The following LHX6 variants were observed in gnomAD, a reference collection of about 807,000 sequenced individuals.
LHX6 encodes the protein LIM homeobox 6, also known as LIM/homeobox protein Lhx6.
LHX6 carries 15 observed loss-of-function variants against 47.1 expected under a neutral mutation model. The ratio of observed to expected loss-of-function variants is 0.32; its 90% CI spans 0.21 to 0.49. LHX6 has a LOEUF of 0.49. Ranked by LOEUF, LHX6 falls within the 20% of genes least tolerant of loss-of-function variation. The pLI is 0.99. For synonymous variants in LHX6, 242 were observed against 233.5 expected (o/e 1.04, Z -0.33); for missense variants, 404 against 539.6 (o/e 0.75, Z 2.49).
chr9:122,227,949 T>TCCTGGGGGGCCCCCCCCC, intron 1 of LHX6: 1 of 176,980 alleles, frequency 5.7e-6, no homozygotes, highest in Non-Finnish European at 1.2e-5. Context: ...TTTTTCTCTC[T>TCCTGGGGGGCCCCCCCCC]CCACCCGCCC....
rs925976884 is a variant in LHX6, at chr9:122,202,814, C to T, written c.*1946G>A. 1 of 152,450 alleles carries T rather than the reference C, an allele frequency of 6.6e-6. No homozygotes were observed. Among genetic ancestry groups the T allele is most frequent in the South Asian group, 2.1e-4 (1 of 4,826 alleles). 9.4% of individuals were successfully genotyped at this position (152,450 alleles called of 1,614,324 possible). ...ACAGGGTAGTGGAGACATGTTTGAA[C>T]TGTAACATGCTACGGCCACATAATC... On this transcript the variant is annotated 3_prime_UTR_variant, in exon 10 of 10. Transcript: ENST00000394319.
chr9:122,226,616 C>T lies in LHX6; in HGVS notation c.340-119G>A. On this transcript the variant is annotated intron_variant, in intron 3 of 9. Transcript: ENST00000394319. The surrounding 1 kb of genome is among the most constrained non-coding windows in gnomAD (Gnocchi z 6.5). ...GAAGCTCAGAAGGTGCATGCGATTC[C>T]CCTATTTTTCTCCCGTAATACTGAG... is the stretch of plus-strand genomic sequence containing the variant. 1 of 1,419,286 alleles carries T rather than the reference C, an allele frequency of 7.0e-7. No homozygotes were observed. 87.9% of individuals were successfully genotyped at this position (1,419,286 alleles called of 1,614,324 possible).
In LHX6 at chr9:122,226,509, GC is replaced by G. The variant is rs1831105305; in HGVS notation, c.340-13del. The G allele has an allele frequency of 3.1e-6, 5 of 1,611,608 alleles. No homozygotes were observed. The highest frequency in any genetic ancestry group is 4.2e-6 in the Non-Finnish European group (5 of 1,179,490). On this transcript the variant is annotated splice_polypyrimidine_tract_variant and intron_variant, in intron 3 of 9. Transcript: ENST00000394319. This position sits in a 1 kb window ranked among gnomAD's most constrained non-coding sequence, Gnocchi z 6.5. ...ATGAGGTTGTTGACCTGGGGACGGG[GC>G]GGGGACGGAGGTCGGCTCAGCGCGG...
chr9:122,204,434 C>A lies in LHX6; in HGVS notation c.*326G>T. 2.6e-6 allele frequency: 1 copy of A among 387,228 alleles called. No individual in the cohort carries two copies. 24.0% of individuals were successfully genotyped at this position (387,228 alleles called of 1,614,324 possible). A position where few individuals can be genotyped will look rare whatever the true frequency, so the allele number is the denominator to read the frequency against. On this transcript the variant is annotated 3_prime_UTR_variant, in exon 10 of 10. Transcript: ENST00000394319. ...AGAAGGCCGTTGGCATCGCACAATT[C>A]AATTCCGCCTTTTGTTATTGTAATC...
At chr9:122,219,320 C>A (rs2118880699) in intron 4 of LHX6, among the ~76,000 whole-genome samples, 1 of 152,318 alleles carries the variant, frequency 6.6e-6, no homozygotes, top group Admixed American at 6.5e-5. Flanking sequence ...AGAGCACCTT[C>A]GTTGAATCCA....
chr9:122,220,871 C>G (rs995370081), intron 4 of LHX6, among the ~76,000 whole-genome samples: 1 of 152,254 alleles, frequency 6.6e-6, no homozygotes, highest in African/African-American at 2.4e-5. Flanking sequence ...GTCAGACTCA[C>G]TTTCCCAGCC....
At chr9:122,222,967 A>G (rs1332323805) in intron 4 of LHX6, among the ~76,000 whole-genome samples, 1 of 152,140 alleles carries the variant, frequency 6.6e-6, no homozygotes. Flanking sequence ...AGAAGCCTAG[A>G]GAACCTCAGC....
At chr9:122,222,062 C>T (rs1370336975) in intron 4 of LHX6, among the ~76,000 whole-genome samples, 2 of 152,222 alleles carry the variant, frequency 1.3e-5, no homozygotes, top group Middle Eastern at 3.2e-3. Context: ...TAGCCCAATT[C>T]CTGGCTTAGA....
At position 122,204,310 on chromosome 9, in the gene LHX6, A is replaced by G. The variant is rs1680570698; in HGVS notation, c.*450T>C. ...AGAGTTTTCCAGACAAAAGCAACAG[A>G]GTGGATAACATTGGGGGTTGTCAGC... On this transcript the variant is annotated 3_prime_UTR_variant, in exon 10 of 10. Transcript: ENST00000394319. 5.3e-6 allele frequency: 1 copy of G among 189,972 alleles called. No individual in the cohort carries two copies. The highest frequency in any genetic ancestry group is 1.1e-5 in the Non-Finnish European group (1 of 93,014). 11.8% of individuals were successfully genotyped at this position (189,972 alleles called of 1,614,324 possible).
rs148542721 is a variant in LHX6, at chr9:122,213,418, T to C, written c.1054+188A>G. ...GCCTCTATGAAGGATCCCGCTCCAC[T>C]GAGGCAGAGCCGAAGATTTGACCCT... On this transcript the variant is annotated intron_variant, in intron 8 of 9. Coordinates refer to ENST00000394319, the MANE Select transcript of LHX6 (RefSeq NM_014368.5). This position sits in a 1 kb window ranked among gnomAD's most constrained non-coding sequence, Gnocchi z 5.5. Among the ~76,000 whole-genome samples, 166 of 152,296 alleles carry C rather than the reference T, an allele frequency of 1.1e-3. 1 individual carries two copies. The East Asian group carries it at 0.028, about 26-fold the overall frequency.
intron 2 of LHX6, 31 bp downstream of exon 2, chr9:122,227,378 G>A (rs1276094461): frequency 6.0e-6 from 9 of 1,491,892 alleles, no homozygotes; most frequent in Non-Finnish European, 7.1e-6. Context: ...CTGGAGGACT[G>A]GGCACCGCAG....
At chr9:122,215,224 T>C (rs1475120033) in intron 5 of LHX6, among the ~76,000 whole-genome samples, 1 of 152,180 alleles carries the variant, frequency 6.6e-6, no homozygotes. Context: ...GAAAAAATTA[T>C]GTTGAAGGAA....
At chr9:122,220,632 C>T (rs1249786461) in intron 4 of LHX6, among the ~76,000 whole-genome samples, 2 of 152,246 alleles carry the variant, frequency 1.3e-5, no homozygotes, top group Admixed American at 6.5e-5. Context: ...ACTGCCACCC[C>T]AGCCTTGCTG....
intron 8 of LHX6, among the ~76,000 whole-genome samples, chr9:122,210,480 C>T (rs749468826): frequency 1.3e-5 from 2 of 152,152 alleles, no homozygotes; most frequent in African/African-American, 4.8e-5. Context: ...TCTCTCTTTA[C>T]GACTGCAACC....
At chr9:122,206,432 T>C (rs184475050) in intron 9 of LHX6, among the ~76,000 whole-genome samples, 8 of 152,140 alleles carry the variant, frequency 5.3e-5, no homozygotes, top group African/African-American at 1.9e-4. Context: ...TTGAGAGTTA[T>C]GGACAAGAAA....
In LHX6 at chr9:122,221,456, G is replaced by A. The variant is rs960459240; in HGVS notation, c.462-4168C>T. 49 of 985,528 alleles carry A rather than the reference G, an allele frequency of 5.0e-5. No homozygotes were observed. In the African/African-American group the frequency reaches 8.0e-4, roughly 16 times the overall value. The allele number at this position is 985,528 out of a possible 1,614,324, so 61.0% of individuals were successfully genotyped here. A position where few individuals can be genotyped will look rare whatever the true frequency, so the allele number is the denominator to read the frequency against. On this transcript the variant is annotated intron_variant, in intron 4 of 9. Coordinates refer to ENST00000394319, the MANE Select transcript of LHX6 (RefSeq NM_014368.5). The stretch of plus-strand genomic sequence containing the variant: ...GTAGGCTTCTCCCGCTGGAGCCCGC[G>A]ACAGAGCTTGGGCTCAAGGCGGAGG...
intron 8 of LHX6, among the ~76,000 whole-genome samples, chr9:122,210,718 T>C (rs1564434338): frequency 1.3e-5 from 2 of 152,156 alleles, no homozygotes; most frequent in South Asian, 2.1e-4. Context: ...TGTACCATCA[T>C]GCCCAGCTAA....
Position 122,213,528 on chromosome 9 carries a change from CG to C in LHX6, c.1054+77del. 7.4e-7 allele frequency: 1 copy of C among 1,351,494 alleles called. No homozygotes were observed. The highest frequency in any genetic ancestry group is 9.9e-7 in the Non-Finnish European group (1 of 1,013,958). 83.7% of individuals were successfully genotyped at this position (1,351,494 alleles called of 1,614,324 possible). ...CCCCAAGGCCCTCCACCCCACGCCT[CG>C]GCCTCAGCCGCCCACGTGCGCTCCT... On this transcript the variant is annotated intron_variant, in intron 8 of 9. Coordinates refer to ENST00000394319, the MANE Select transcript of LHX6 (RefSeq NM_014368.5). This position sits in a 1 kb window ranked among gnomAD's most constrained non-coding sequence, Gnocchi z 5.5.
rs1326547352 is a variant in LHX6 at position 122,210,033 on chromosome 9, G to A, written c.1055-316C>T. 8.5e-5 allele frequency among the ~76,000 whole-genome samples: 13 copies of A among 152,202 alleles called. No homozygotes were observed. The South Asian group carries it at 1.0e-3, about 12-fold the overall frequency. ...TGGGACTACAGGTGCCCACCACCAC[G>A]CCCAGCTAATTTTTTGTATTTTAGC... On this transcript the variant is annotated intron_variant, in intron 8 of 9. Transcript: ENST00000394319.
Sources: gnomAD v4.1 joint callset for allele counts (sites outside exome capture counted in the v4.1 genomes callset) on GRCh38, gnomAD v4.1.1 for gene constraint, Gnocchi (gnomAD v3.1) non-coding constraint, MANE v1.5 for transcripts, NCBI Gene and HGNC (gene_info 2026-07-23, HGNC 2026-07-21) for gene names.